The following BICD1 variants were observed in gnomAD, a reference collection of about 807,000 sequenced individuals.
BICD1 encodes protein bicaudal D homolog 1.
Under a neutral mutation model 92.5 loss-of-function variants are expected in BICD1, and 35 were observed. That is an observed-to-expected ratio of 0.38 (90% CI 0.29 to 0.50). The LOEUF is 0.50. BICD1 is among the 20% of genes least tolerant of loss of function. BICD1 has a pLI of 0.93. For synonymous variants in BICD1, 429 were observed against 465.1 expected (o/e 0.92, Z 1.00); for missense variants, 950 against 1,189.8 (o/e 0.80, Z 2.97).
At chr12:32,263,594 T>C (rs1185486706) in intron 2 of BICD1, among the ~76,000 whole-genome samples, 1 of 151,786 alleles carries the variant, frequency 6.6e-6, no homozygotes, top group African/African-American at 2.4e-5. Flanking sequence ...GAGAACATGT[T>C]TCAAGTATTA....
intron 3 of BICD1, among the ~76,000 whole-genome samples, chr12:32,300,072 G>A (rs919174472): frequency 6.6e-6 from 1 of 152,040 alleles, no homozygotes; most frequent in Admixed American, 6.6e-5. Context: ...CACGAAAATA[G>A]GTGGTGGGCT....
intron 2 of BICD1, among the ~76,000 whole-genome samples, chr12:32,225,525 G>A (rs1408504617): frequency 6.6e-6 from 1 of 151,834 alleles, no homozygotes; most frequent in Non-Finnish European, 1.5e-5. Flanking sequence ...GTTTTCCAGA[G>A]CAGCTGTACC....
intron 5 of BICD1, chr12:32,332,504 CT>C (rs1179832465): frequency 1.1e-6 from 1 of 923,016 alleles, no homozygotes; most frequent in East Asian, 1.2e-4. Context: ...CACCGTCCAT[CT>C]AGCACTGTGC....
chr12:32,309,389 G>A (rs957749287), intron 4 of BICD1, among the ~76,000 whole-genome samples: 2 of 152,056 alleles, frequency 1.3e-5, no homozygotes, highest in African/African-American at 4.8e-5. Flanking sequence ...AAAAATTCAG[G>A]TTTCAGATTG....
At chr12:32,116,466 C>CTG (rs1565524778) in intron 1 of BICD1, among the ~76,000 whole-genome samples, 41 of 92,884 alleles carry the variant, frequency 4.4e-4, no homozygotes, top group South Asian at 4.4e-3. Context: ...CTGTCTGTCT[C>CTG]TCTCTCTCTC....
intron 1 of BICD1, among the ~76,000 whole-genome samples, chr12:32,190,865 C>T (rs887519434): frequency 6.6e-6 from 1 of 152,114 alleles, no homozygotes; most frequent in Non-Finnish European, 1.5e-5. Flanking sequence ...CAAGACTTAA[C>T]AAATTTAAGA....
At chr12:32,348,696 G>A (rs371928773) in intron 8 of BICD1, among the ~76,000 whole-genome samples, 3 of 94,524 alleles carry the variant, frequency 3.2e-5, no homozygotes, top group African/African-American at 4.5e-5. Context: ...GCCCAAACCC[G>A]AAATGATGCT....
rs1592702545 is a variant in BICD1, at chr12:32,345,314, C to T, written c.2764+6335C>T. On this transcript the variant is annotated intron_variant, in intron 8 of 9. Coordinates refer to ENST00000652176, the MANE Select transcript of BICD1 (RefSeq NM_001714.4). ...AAAGAAGAAAAAATATATTAATTCACAAAATTGTCAACCACATGTTGAGAA... is the reference window on the plus strand; with the variant it reads ...AAAGAAGAAAAAATATATTAATTCATAAAATTGTCAACCACATGTTGAGAA... Among the ~76,000 whole-genome samples, 4 of 150,566 alleles carry T rather than the reference C, an allele frequency of 2.7e-5. No homozygotes were observed. The South Asian group carries it at 8.5e-4, about 32-fold the overall frequency.
At chr12:32,116,462 GTCTCTCTC>G (rs1173406919) in intron 1 of BICD1, among the ~76,000 whole-genome samples, 17 of 91,652 alleles carry the variant, frequency 1.9e-4, no homozygotes, top group East Asian at 8.1e-4. Flanking sequence ...CTGTCTGTCT[GTCTCTCTC>G]TCTCTCTCTC....
At chr12:32,246,418 G>A (rs959391240) in intron 2 of BICD1, among the ~76,000 whole-genome samples, 24 of 151,706 alleles carry the variant, frequency 1.6e-4, no homozygotes, top group African/African-American at 4.6e-4. Flanking sequence ...TGGGAGGATC[G>A]CTTGAGGCCA....
In BICD1 at chr12:32,328,251, C is replaced by T. The variant is rs905754691; in HGVS notation, c.1796C>T (p.Thr599Ile). Reference protein sequence around the residue: ...SKEPSPTKTPTISPVITAPPS... With the variant: ...SKEPSPTKTPIISPVITAPPS... ...GAACCAAGTCCAACTAAGACCCCCA[C>T]AATCTCTCCTGTTATTACTGCCCCA... Residue 599 changes from threonine (T) to isoleucine (I), a missense_variant, in exon 5 of 10, where the codon ACA becomes ATA. Transcript: ENST00000652176. This position sits in a 1 kb window ranked among gnomAD's most constrained non-coding sequence, Gnocchi z 4.4. The T allele has an allele frequency of 1.4e-5, 23 of 1,614,074 alleles. No homozygotes were observed. Among genetic ancestry groups the T allele is most frequent in the Non-Finnish European group, 1.7e-5 (20 of 1,180,032 alleles).
intron 8 of BICD1, among the ~76,000 whole-genome samples, chr12:32,345,437 C>G (rs1938530380): frequency 6.6e-6 from 1 of 152,146 alleles, no homozygotes; most frequent in Non-Finnish European, 1.5e-5. Flanking sequence ...TCTGCCACAA[C>G]TGTGCCCACC....
intron 1 of BICD1, among the ~76,000 whole-genome samples, chr12:32,135,083 C>CCCTCCCCTTCCCCTCTCA (rs1942686020): frequency 1.3e-5 from 1 of 74,528 alleles, no homozygotes; most frequent in African/African-American, 4.9e-5. Context: ...TTCCCCGCTC[C>CCCTCCCCTTCCCCTCTCA]CCTCCTTTAT....
intron 1 of BICD1, among the ~76,000 whole-genome samples, chr12:32,154,744 C>A (rs1592385430): frequency 1.3e-5 from 2 of 152,094 alleles, no homozygotes; most frequent in Admixed American, 6.5e-5. Flanking sequence ...TAAATGAAGT[C>A]TTTTCTATCA....
At chr12:32,347,728 A>T (rs2136298993) in intron 8 of BICD1, among the ~76,000 whole-genome samples, 1 of 152,302 alleles carries the variant, frequency 6.6e-6, no homozygotes, top group East Asian at 1.9e-4. Flanking sequence ...ATAAAAACTT[A>T]ATTACTTAGG....
rs1022370418 is a variant in BICD1 at position 32,337,891 on chromosome 12, G to C, written c.2570+75G>C. 4 of 1,528,328 alleles carry C rather than the reference G, an allele frequency of 2.6e-6. No homozygotes were observed. The highest frequency in any genetic ancestry group is 3.6e-6 in the Non-Finnish European group (4 of 1,106,350). The allele number at this position is 1,528,328 out of a possible 1,614,324, so 94.7% of individuals were successfully genotyped here. A position where few individuals can be genotyped will look rare whatever the true frequency, so the allele number is the denominator to read the frequency against. ...TAACTGCAAAAATAAATGTGCTCTT[G>C]TTGTGGAGGATGGAGGAGGGGAAGC... On this transcript the variant is annotated intron_variant, in intron 7 of 9. Coordinates refer to ENST00000652176, the MANE Select transcript of BICD1 (RefSeq NM_001714.4). This position sits in a 1 kb window ranked among gnomAD's most constrained non-coding sequence, Gnocchi z 4.7.
chr12:32,317,646 T>C (rs1235780636), intron 4 of BICD1, among the ~76,000 whole-genome samples: 1 of 152,246 alleles, frequency 6.6e-6, no homozygotes, highest in Non-Finnish European at 1.5e-5. Flanking sequence ...AAAAATTTTC[T>C]CTCATTCTGT....
Position 32,107,572 on chromosome 12 carries a change from C to G in BICD1, c.213+28C>G. On this transcript the variant is annotated intron_variant, in intron 1 of 9. Coordinates refer to ENST00000652176, the MANE Select transcript of BICD1 (RefSeq NM_001714.4). The stretch of plus-strand genomic sequence containing the variant: ...GAGTTGCCTGTCACCTCTCCCTTTC[C>G]TGGCCCTCACTCCCCCCACCCGCAA... 1.3e-6 allele frequency: 2 copies of G among 1,551,562 alleles called. 1 individual carries two copies. Among genetic ancestry groups the G allele is most frequent in the Non-Finnish European group, 1.7e-6 (2 of 1,148,318 alleles).
At position 32,341,194 on chromosome 12, in the gene BICD1, G is replaced by C. The variant is rs148066697; in HGVS notation, c.2764+2215G>C. ...AATGATTACTATTTATGAGATTCGA[G>C]GCCGGCTGCAGTGGTTCACACCTGT... On this transcript the variant is annotated intron_variant, in intron 8 of 9. Transcript: ENST00000652176. 6.4e-3 allele frequency among the ~76,000 whole-genome samples: 979 copies of C among 152,110 alleles called. 8 individuals are homozygous for C. Among genetic ancestry groups the C allele is most frequent in the African/African-American group, 0.022 (917 of 41,480 alleles).
Sources: gnomAD v4.1 joint callset for allele counts (sites outside exome capture counted in the v4.1 genomes callset) on GRCh38, gnomAD v4.1.1 for gene constraint, Gnocchi (gnomAD v3.1) non-coding constraint, MANE v1.5 for transcripts, NCBI Gene and HGNC (gene_info 2026-07-23, HGNC 2026-07-21) for gene names.